The following TNXB variants were observed in gnomAD, a reference collection of about 807,000 sequenced individuals.
The protein encoded by TNXB is tenascin XB, also known as tenascin-X.
TNXB carries 183 observed loss-of-function variants against 340.5 expected under a neutral mutation model. The ratio of observed to expected loss-of-function variants is 0.54; its 90% CI spans 0.48 to 0.61. The LOEUF (loss-of-function observed/expected upper bound fraction) is 0.61. Ranked by LOEUF, TNXB falls within the 20% of genes least tolerant of loss-of-function variation. TNXB has a pLI of 0.00. For missense variants in TNXB, 4,613 were observed against 5,446.4 expected (o/e 0.85, Z 4.82); for synonymous variants, 2,121 against 2,314.5 (o/e 0.92, Z 2.40).
intron 3 of TNXB, 80 bp downstream of exon 3, chr6:32,095,531 C>T (rs1459710676): frequency 6.5e-7 from 1 of 1,527,264 alleles, no homozygotes; most frequent in African/African-American, 1.4e-5. Flanking sequence ...CTCCACTCTT[C>T]CTCAGGCTCA....
intron 22 of TNXB, among the ~76,000 whole-genome samples, chr6:32,057,318 C>G (rs1250249790): frequency 1.3e-5 from 2 of 152,194 alleles, no homozygotes; most frequent in East Asian, 3.9e-4. Context: ...GGATCCAGCT[C>G]CTCACCAGCT....
In TNXB at chr6:32,087,163, G is replaced by A; in HGVS notation, c.2780-1045C>T. The A allele has an allele frequency of 2.3e-6, 1 of 441,566 alleles. No homozygotes were observed. The highest frequency in any genetic ancestry group is 4.6e-6 in the Non-Finnish European group (1 of 218,070). 27.4% of individuals were successfully genotyped at this position (441,566 alleles called of 1,614,324 possible). ...AAGGTAGAAGGGGGCAGTGGGGGGT[G>A]GCAGTGGGAGGAATTCATGAATGCA... On this transcript the variant is annotated intron_variant, in intron 6 of 43. Transcript: ENST00000644971. The surrounding 1 kb of genome is among the most constrained non-coding windows in gnomAD (Gnocchi z 9.0).
In TNXB at chr6:32,070,560, G is replaced by A. The variant is rs1346249074; in HGVS notation, c.4991-146C>T. On this transcript the variant is annotated intron_variant, in intron 13 of 43. Coordinates refer to ENST00000644971, the MANE Select transcript of TNXB (RefSeq NM_001365276.2). This position sits in a 1 kb window ranked among gnomAD's most constrained non-coding sequence, Gnocchi z 6.0. ...ACCTCCCATCCTCACCACCATCTCC[G>A]TCTGGTCCATGCCTCTCTCCCCTTG... The A allele has an allele frequency of 4.2e-6, 4 of 942,166 alleles. No homozygotes were observed. Among genetic ancestry groups the A allele is most frequent in the East Asian group, 2.7e-5 (1 of 37,318 alleles). 58.4% of individuals were successfully genotyped at this position (942,166 alleles called of 1,614,324 possible).
chr6:32,096,410 G>A lies in TNXB; in HGVS notation c.1443C>T (p.Cys481=). 6.3e-7 allele frequency: 1 copy of A among 1,585,718 alleles called. No homozygotes were observed. Among genetic ancestry groups the A allele is most frequent in the Non-Finnish European group, 8.5e-7 (1 of 1,173,400 alleles). The change falls in exon 3 of 44, where the codon TGC becomes TGT. Residue 481 remains cysteine, a synonymous_variant. Coordinates refer to ENST00000644971, the MANE Select transcript of TNXB (RefSeq NM_001365276.2). ...RGRGRCESGR[C]MCWPGYTGRD... is the part of the protein sequence containing the mutation. ...GGCCTGTGTACCCCGGCCAACACATGCAGCGGCCACTCTCACAGCGGCCCC... is the reference window on the plus strand; with the variant it reads ...GGCCTGTGTACCCCGGCCAACACATACAGCGGCCACTCTCACAGCGGCCCC...
chr6:32,049,181 C>T lies in TNXB; in HGVS notation c.9757+89G>A. 1 of 1,457,238 alleles carries T rather than the reference C, an allele frequency of 6.9e-7. No homozygotes were observed. The highest frequency in any genetic ancestry group is 9.1e-7 in the Non-Finnish European group (1 of 1,099,224). 90.3% of individuals were successfully genotyped at this position (1,457,238 alleles called of 1,614,324 possible). A position where few individuals can be genotyped will look rare whatever the true frequency, so the allele number is the denominator to read the frequency against. ...GGAGAAAAGACAGAAACCTAGAGGCCCAGTCAAAAGAGGTGCCAAGATCCA... is the reference window on the plus strand; with the variant it reads ...GGAGAAAAGACAGAAACCTAGAGGCTCAGTCAAAAGAGGTGCCAAGATCCA... On this transcript the variant is annotated intron_variant, in intron 28 of 43. Transcript: ENST00000644971. This position sits in a 1 kb window ranked among gnomAD's most constrained non-coding sequence, Gnocchi z 4.5.
Position 32,090,012 on chromosome 6 carries a change from A to G in TNXB, c.2359-633T>C, listed in dbSNP as rs899719550. On this transcript the variant is annotated intron_variant, in intron 4 of 43. Transcript: ENST00000644971. The surrounding 1 kb of genome is among the most constrained non-coding windows in gnomAD (Gnocchi z 4.3). The stretch of plus-strand genomic sequence containing the variant: ...AGATGCCTGCTCATGGCTGTGTAAC[A>G]GGAGTGGGACCCGCATCACAACCTT... 5.3e-5 allele frequency among the ~76,000 whole-genome samples: 8 copies of G among 152,224 alleles called. No individual in the cohort carries two copies. The highest frequency in any genetic ancestry group is 6.5e-5 in the Admixed American group (1 of 15,280).
Position 32,082,080 on chromosome 6 carries a change from G to C in TNXB, c.3692C>G (p.Ala1231Gly), listed in dbSNP as rs146399029. The C allele has an allele frequency of 3.1e-6, 5 of 1,608,782 alleles. No homozygotes were observed. Among genetic ancestry groups the C allele is most frequent in the Non-Finnish European group, 4.2e-6 (5 of 1,177,976 alleles). The change falls in exon 9 of 44, where the codon GCG (alanine) becomes GGG (glycine). Residue 1231 changes from alanine (A) to glycine (G), a missense_variant. Coordinates refer to ENST00000644971, the MANE Select transcript of TNXB (RefSeq NM_001365276.2). This position sits in a 1 kb window ranked among gnomAD's most constrained non-coding sequence, Gnocchi z 5.0. ...GAGGGGGCCATACCGCTTCTTGTTC[G>C]CAATTCCAAACAGAGTGAATCTGTA... ...HKYRFTLFGI[A>G]NKKRYGPLTA...
chr6:32,050,922 CT>C (rs1236363304), intron 26 of TNXB, among the ~76,000 whole-genome samples: 2 of 152,196 alleles, frequency 1.3e-5, no homozygotes, highest in Non-Finnish European at 2.9e-5. Flanking sequence ...CACAGATGAG[CT>C]TCACACAGGC....
Position 32,053,999 on chromosome 6 carries a change from G to C in TNXB, c.8468-288C>G, listed in dbSNP as rs58478632. Among the ~76,000 whole-genome samples, 480 of 151,300 alleles carry C rather than the reference G, an allele frequency of 3.2e-3. 12 individuals are homozygous for C. The East Asian group carries it at 0.056, about 18-fold the overall frequency. On this transcript the variant is annotated intron_variant, in intron 24 of 43. Transcript: ENST00000644971. ...GCCCCACTCGGCCTCTGCACCCTTAGCCTCCCTGCACTGGTGTCTCCTCGC... is the reference window on the plus strand; with the variant it reads ...GCCCCACTCGGCCTCTGCACCCTTACCCTCCCTGCACTGGTGTCTCCTCGC...
rs939675983 is a variant in TNXB, at chr6:32,067,476, A to G, written c.6544+185T>C. Among the ~76,000 whole-genome samples the G allele has an allele frequency of 2.6e-5, 4 of 152,140 alleles. No individual in the cohort carries two copies. The highest frequency in any genetic ancestry group is 5.9e-5 in the Non-Finnish European group (4 of 67,982). On this transcript the variant is annotated intron_variant, in intron 18 of 43. Transcript: ENST00000644971. This position sits in a 1 kb window ranked among gnomAD's most constrained non-coding sequence, Gnocchi z 4.2. ...GCCTCAGTCCCTGGGGGCCTTTCCCATATGGCTCCGACACTTCTCCTGGAT... is the reference window on the plus strand; with the variant it reads ...GCCTCAGTCCCTGGGGGCCTTTCCCGTATGGCTCCGACACTTCTCCTGGAT...
At chr6:32,065,290 A>C (rs975534814) in intron 18 of TNXB, among the ~76,000 whole-genome samples, 173 bp from the exon 19 acceptor site, 1 of 152,176 alleles carries the variant, frequency 6.6e-6, no homozygotes, top group African/African-American at 2.4e-5. Flanking sequence ...CAACCATGCC[A>C]GGCAGCCTCC....
At position 32,096,511 on chromosome 6, in the gene TNXB, C is replaced by T. The variant is rs769328541; in HGVS notation, c.1342G>A (p.Gly448Ser). 9 of 1,600,550 alleles carry T rather than the reference C, an allele frequency of 5.6e-6. No individual in the cohort carries two copies. Among genetic ancestry groups the T allele is most frequent in the Admixed American group, 5.0e-5 (3 of 59,758 alleles). The change falls in exon 3 of 44, where the codon GGC (glycine) becomes AGC (serine). Residue 448 changes from glycine (G) to serine (S), a missense_variant. This residue lies in a region of TNXB where 4,327 missense variants were observed against 4,859.4 expected (regional missense o/e 0.89). Transcript: ENST00000644971. ...DCRGRGRCEN[G>S]VCVCNAGYSG... ...TAGCCCGCATTGCAAACACACACGC[C>T]GTTCTCGCAGCGCCCGCGACCTCTA... is the stretch of plus-strand genomic sequence containing the variant.
At position 32,109,186 on chromosome 6, in the gene TNXB, C is replaced by T. The variant is rs1332179825; in HGVS notation, c.-14G>A. 6.6e-6 allele frequency: 1 copy of T among 152,316 alleles called. No individual in the cohort carries two copies. 9.4% of individuals were successfully genotyped at this position (152,316 alleles called of 1,614,324 possible). On this transcript the variant is annotated 5_prime_UTR_variant, in exon 1 of 44. Transcript: ENST00000644971. ...CCCAGAACTCTGTTCCTTACCTGGGCAACCGAGCAGCTGCAGTGCCTCTGC... is the reference window on the plus strand; with the variant it reads ...CCCAGAACTCTGTTCCTTACCTGGGTAACCGAGCAGCTGCAGTGCCTCTGC...
At chr6:32,042,656 C>A in intron 39 of TNXB, 43 bp downstream of exon 39, 16 of 1,414,896 alleles carry the variant, frequency 1.1e-5, no homozygotes, top group Non-Finnish European at 1.5e-5. Flanking sequence ...TAGGCCCTGG[C>A]TGCCCACCCA....
At chr6:32,077,962 G>A (rs1217896308) in intron 11 of TNXB, among the ~76,000 whole-genome samples, 3 of 151,688 alleles carry the variant, frequency 2.0e-5, no homozygotes, top group East Asian at 3.9e-4. Flanking sequence ...GGGAGGCAAA[G>A]GTTGCAGTGA....
At position 32,088,795 on chromosome 6, in the gene TNXB, C is replaced by T; in HGVS notation, c.2769G>A (p.Arg923=). The change falls in exon 6 of 44, where the codon AGG becomes AGA. Residue 923 remains arginine (R), a synonymous_variant. Coordinates refer to ENST00000644971, the MANE Select transcript of TNXB (RefSeq NM_001365276.2). ...GRAVSYPASV[R]ANTGSSPLGL... The stretch of plus-strand genomic sequence containing the variant: ...TCTGGCCAGCCATACCTGTGTTGGC[C>T]CTGACAGAAGCTGGGTAGCTGACTG... The T allele has an allele frequency of 1.0e-5, 16 of 1,572,886 alleles. No homozygotes were observed. Among genetic ancestry groups the T allele is most frequent in the Non-Finnish European group, 9.5e-6 (11 of 1,160,326 alleles).
rs1779349333 is a variant in TNXB at position 32,080,093 on chromosome 6, G to C, written c.4043-728C>G. On this transcript the variant is annotated intron_variant, in intron 10 of 43. Transcript: ENST00000644971. This position sits in a 1 kb window ranked among gnomAD's most constrained non-coding sequence, Gnocchi z 4.3. ...ATGACAACCCAGAGGAAGGGAGGGAGGTGGGGAGCAAAAAAGATTACTGGG... is the reference window on the plus strand; with the variant it reads ...ATGACAACCCAGAGGAAGGGAGGGACGTGGGGAGCAAAAAAGATTACTGGG... 6.6e-6 allele frequency among the ~76,000 whole-genome samples: 1 copy of C among 152,178 alleles called. No homozygotes were observed. Among genetic ancestry groups the C allele is most frequent in the Non-Finnish European group, 1.5e-5 (1 of 68,026 alleles).
chr6:32,098,326 A>C, intron 1 of TNXB, 120 bp from the exon 2 acceptor site: 1 of 838,372 alleles, frequency 1.2e-6, no homozygotes, highest in Non-Finnish European at 1.7e-6. Context: ...ACTCACATGC[A>C]TGTAAAAATT....
chr6:32,066,233 A>C (rs1778327772), intron 18 of TNXB, among the ~76,000 whole-genome samples: 1 of 152,070 alleles, frequency 6.6e-6, no homozygotes, highest in African/African-American at 2.4e-5. Context: ...CTCTACAAAA[A>C]ATTTTTTTAA....
Sources: gnomAD v4.1 joint callset for allele counts (sites outside exome capture counted in the v4.1 genomes callset) on GRCh38, gnomAD v4.1.1 for gene constraint, gnomAD v4.1.1 regional missense constraint, Gnocchi (gnomAD v3.1) non-coding constraint, MANE v1.5 for transcripts, NCBI Gene and HGNC (gene_info 2026-07-23, HGNC 2026-07-21) for gene names.